PCP4: variants seen among roughly 807,000 people sequenced by gnomAD.
PCP4 encodes the protein Purkinje cell protein 4, also known as calmodulin regulator protein PCP4.
Under a neutral mutation model 10.0 loss-of-function variants are expected in PCP4, and 8 were observed. The observed-to-expected ratio is 0.80, with a 90% CI of 0.47 to 1.45. The LOEUF (loss-of-function observed/expected upper bound fraction) is 1.45, where lower values mean the gene tolerates loss of function less well. Among genes scored for constraint, PCP4 ranks in the 40% most tolerant of loss-of-function variants. PCP4 has a pLI of 0.00. For missense variants in PCP4, 54 were observed against 74.4 expected, an observed-to-expected ratio of 0.73 and a Z score of 1.01; for synonymous variants, 21 against 23.0, an observed-to-expected ratio of 0.91 and a Z score of 0.24.
chr21:39,910,332 C>T (rs1026528098), intron 2 of PCP4, among the ~76,000 whole-genome samples: 11 of 152,158 alleles, frequency 7.2e-5, no homozygotes, highest in Non-Finnish European at 1.5e-4. Flanking sequence ...TCATCGCAAA[C>T]GGGGCTAATC....
chr21:39,925,726 C>G (rs1416981792), intron 2 of PCP4, among the ~76,000 whole-genome samples: 2 of 152,132 alleles, frequency 1.3e-5, no homozygotes, highest in Non-Finnish European at 2.9e-5. Flanking sequence ...AGAAAGGGCC[C>G]CCTGTACTGC....
At chr21:39,909,905 C>T (rs2087531482) in intron 2 of PCP4, among the ~76,000 whole-genome samples, 1 of 151,634 alleles carries the variant, frequency 6.6e-6, no homozygotes, top group African/African-American at 2.4e-5. Flanking sequence ...AAGCGATTCT[C>T]CTGCCTCAGC....
chr21:39,928,713 C>T (rs530205159), intron 2 of PCP4, among the ~76,000 whole-genome samples: 1 of 152,282 alleles, frequency 6.6e-6, no homozygotes, highest in Admixed American at 6.5e-5. Flanking sequence ...TCAAGATGGT[C>T]ACTGAGAACA....
chr21:39,875,708 C>T (rs2087342200), intron 1 of PCP4, among the ~76,000 whole-genome samples: 1 of 152,156 alleles, frequency 6.6e-6, no homozygotes, highest in Admixed American at 6.5e-5. Context: ...GGAATAGTGT[C>T]CACAATGACT....
At chr21:39,892,938 GAA>G (rs1309124378) in intron 1 of PCP4, among the ~76,000 whole-genome samples, 3 of 152,166 alleles carry the variant, frequency 2.0e-5, no homozygotes, top group Non-Finnish European at 4.4e-5. Context: ...GCCAGTTACA[GAA>G]AGACAAACAT....
In PCP4 at chr21:39,908,610, C is replaced by T. The variant is rs1007573797; in HGVS notation, c.61+10083C>T. On this transcript the variant is annotated intron_variant, in intron 2 of 2. Transcript: ENST00000328619. ...AGCTGCTTTCTCAAGGGCTCAGTGGCGCCCCAGGCTCTGCTCCCACTGAGC... is the reference window on the plus strand; with the variant it reads ...AGCTGCTTTCTCAAGGGCTCAGTGGTGCCCCAGGCTCTGCTCCCACTGAGC... Among the ~76,000 whole-genome samples the T allele has an allele frequency of 3.3e-5, 5 of 152,116 alleles. 1 individual carries two copies. Among genetic ancestry groups the T allele is most frequent in the African/African-American group, 4.8e-5 (2 of 41,446 alleles).
intron 1 of PCP4, among the ~76,000 whole-genome samples, chr21:39,875,352 G>C (rs1448856236): frequency 6.6e-6 from 1 of 151,886 alleles, no homozygotes; most frequent in Non-Finnish European, 1.5e-5. Context: ...CCTGGGTGCT[G>C]GTCTCCTCAT....
At chr21:39,910,658 C>T (rs1306168108) in intron 2 of PCP4, among the ~76,000 whole-genome samples, 1 of 152,168 alleles carries the variant, frequency 6.6e-6, no homozygotes, top group Non-Finnish European at 1.5e-5. Context: ...TAAGATAGAG[C>T]AATGTTTAGC....
intron 1 of PCP4, among the ~76,000 whole-genome samples, chr21:39,889,472 C>G (rs541339175): frequency 4.2e-5 from 6 of 141,804 alleles, no homozygotes; most frequent in Non-Finnish European, 9.0e-5. Flanking sequence ...GCTGCAGTAC[C>G]GTGGCACGAT....
At chr21:39,867,592 G>C in intron 1 of PCP4, 82 bp downstream of exon 1, 15 of 1,332,126 alleles carry the variant, frequency 1.1e-5, no homozygotes, top group Non-Finnish European at 1.6e-5. Flanking sequence ...GGAAATGTGA[G>C]GGACTTAGCA....
chr21:39,924,961 G>A (rs1240763971), intron 2 of PCP4, among the ~76,000 whole-genome samples: 6 of 152,320 alleles, frequency 3.9e-5, no homozygotes, highest in African/African-American at 1.4e-4. Context: ...TGGGGCCACA[G>A]GCCCTGGCCC....
At chr21:39,885,012 C>T (rs1438678729) in intron 1 of PCP4, among the ~76,000 whole-genome samples, 1 of 152,172 alleles carries the variant, frequency 6.6e-6, no homozygotes, top group Non-Finnish European at 1.5e-5. Flanking sequence ...TCAATTAAAT[C>T]TCATAGTGCG....
In PCP4 at chr21:39,901,341, C is replaced by T. The variant is rs564175608; in HGVS notation, c.61+2814C>T. On this transcript the variant is annotated intron_variant, in intron 2 of 2. Coordinates refer to ENST00000328619, the MANE Select transcript of PCP4 (RefSeq NM_006198.3). Reference sequence around the variant, plus strand: ...GGTTCACACTTTGGGAACTACTGCTCAGCATGTCTCATGTCATGCCTTGAG... The same window carrying T: ...GGTTCACACTTTGGGAACTACTGCTTAGCATGTCTCATGTCATGCCTTGAG... Among the ~76,000 whole-genome samples, 3 of 152,344 alleles carry T rather than the reference C, an allele frequency of 2.0e-5. No homozygotes were observed. The East Asian group carries it at 5.8e-4, about 29-fold the overall frequency.
chr21:39,871,658 G>C (rs2087320914), intron 1 of PCP4, among the ~76,000 whole-genome samples: 1 of 151,768 alleles, frequency 6.6e-6, no homozygotes, highest in South Asian at 2.1e-4. Context: ...GTTACAATCT[G>C]GGTTTGAAGT....
At chr21:39,897,908 T>TTTA (rs2087464791) in intron 1 of PCP4, among the ~76,000 whole-genome samples, 1 of 151,752 alleles carries the variant, frequency 6.6e-6, no homozygotes, top group African/African-American at 2.4e-5. Flanking sequence ...TAGCCGTACG[T>TTTA]GGTCGTGGGC....
At chr21:39,886,046 A>G (rs975252923) in intron 1 of PCP4, among the ~76,000 whole-genome samples, 2 of 152,110 alleles carry the variant, frequency 1.3e-5, no homozygotes, top group Non-Finnish European at 2.9e-5. Flanking sequence ...CTGTGTTCAA[A>G]TTGTCCCTTT....
intron 2 of PCP4, chr21:39,926,129 C>G (rs1249953081): frequency 4.4e-6 from 2 of 453,716 alleles, no homozygotes; most frequent in Non-Finnish European, 8.9e-6. Flanking sequence ...AGCATCTGAC[C>G]TTCCCCGCCG....
chr21:39,907,780 G>A (rs1305724557), intron 2 of PCP4, among the ~76,000 whole-genome samples: 4 of 150,936 alleles, frequency 2.7e-5, no homozygotes, highest in Non-Finnish European at 1.5e-5. Context: ...CTGGGCAACA[G>A]AGTGAGACTC....
chr21:39,872,349 T>C (rs1394258675), intron 1 of PCP4, among the ~76,000 whole-genome samples: 2 of 152,204 alleles, frequency 1.3e-5, no homozygotes, highest in African/African-American at 2.4e-5. Flanking sequence ...TCATTAGAGA[T>C]GTGATCGGGG....
Sources: gnomAD v4.1 joint callset for allele counts (sites outside exome capture counted in the v4.1 genomes callset) on GRCh38, gnomAD v4.1.1 for gene constraint, MANE v1.5 for transcripts, NCBI Gene and HGNC (gene_info 2026-07-23, HGNC 2026-07-21) for gene names.